ARID1B: variants seen among roughly 807,000 people sequenced by gnomAD.
The protein encoded by ARID1B is AT-rich interactive domain-containing protein 1B.
Under a neutral mutation model 212.3 loss-of-function variants are expected in ARID1B, and 30 were observed. The ratio of observed to expected loss-of-function variants is 0.14; its 90% CI spans 0.11 to 0.19. The LOEUF (loss-of-function observed/expected upper bound fraction) is 0.19, where lower values mean the gene tolerates loss of function less well. Among genes scored for constraint, ARID1B ranks in the 10% least tolerant of loss-of-function variants. The pLI is 1.00. For synonymous variants in ARID1B, 1,402 were observed against 1,301.7 expected (o/e 1.08, Z -1.66); for missense variants, 2,891 against 3,204.0 (o/e 0.90, Z 2.36).
In ARID1B at chr6:157,148,202, A is replaced by T. The variant is rs952943344; in HGVS notation, c.2762-422A>T. Among the ~76,000 whole-genome samples, 1 of 152,058 alleles carries T rather than the reference A, an allele frequency of 6.6e-6. No individual in the cohort carries two copies. The highest frequency in any genetic ancestry group is 6.5e-5 in the Admixed American group (1 of 15,268). On this transcript the variant is annotated intron_variant, in intron 7 of 19. Coordinates refer to ENST00000636930, the MANE Select transcript of ARID1B (RefSeq NM_001374828.1). The surrounding 1 kb of genome is among the most constrained non-coding windows in gnomAD (Gnocchi z 5.6). The stretch of plus-strand genomic sequence containing the variant: ...ACGTTGTCTTTTTGAGCCCTTTCAC[A>T]TGACTGTTGAAGGTAGCAGTGATCT...
Position 157,173,975 on chromosome 6 carries a change from T to C in ARID1B, c.3236-33T>C, listed in dbSNP as rs1417904048. On this transcript the variant is annotated intron_variant, in intron 9 of 19. Transcript: ENST00000636930. ...AGTACAGTCTGACGAATCACACATA[T>C]AATCCTAAACTCTTTCTCCTGTTTT... The C allele has an allele frequency of 7.0e-6, 11 of 1,580,136 alleles. No individual in the cohort carries two copies. The African/African-American group carries it at 8.1e-5, about 12-fold the overall frequency.
At chr6:156,983,347 A>T (rs1468222385) in intron 4 of ARID1B, among the ~76,000 whole-genome samples, 1 of 152,182 alleles carries the variant, frequency 6.6e-6, no homozygotes, top group Non-Finnish European at 1.5e-5. Context: ...GTGAGCCGAG[A>T]TTGTACCACT....
chr6:157,123,564 G>A (rs117236388), intron 6 of ARID1B, among the ~76,000 whole-genome samples: 3,310 of 152,310 alleles, frequency 0.022, 38 homozygotes, highest in Non-Finnish European at 0.035. Flanking sequence ...CTCGGAAGGC[G>A]TGCCAGGAGG....
chr6:157,047,630 A>G (rs184151607), intron 4 of ARID1B, among the ~76,000 whole-genome samples: 1 of 152,222 alleles, frequency 6.6e-6, no homozygotes, highest in Admixed American at 6.5e-5. Context: ...TTGTAAAAAG[A>G]CGTTAGGAAT....
At position 156,884,583 on chromosome 6, in the gene ARID1B, C is replaced by T. The variant is rs533239731; in HGVS notation, c.1987-16793C>T. Among the ~76,000 whole-genome samples, 6 of 152,264 alleles carry T rather than the reference C, an allele frequency of 3.9e-5. No homozygotes were observed. The East Asian group carries it at 1.2e-3, about 29-fold the overall frequency. On this transcript the variant is annotated intron_variant, in intron 2 of 19. Transcript: ENST00000636930. ...GATTAGGAGGTGTAAGGATGGAGTGCCCAAACTCCAGCAGTTGGTTTTTCC... is the reference window on the plus strand; with the variant it reads ...GATTAGGAGGTGTAAGGATGGAGTGTCCAAACTCCAGCAGTTGGTTTTTCC...
At chr6:156,921,493 A>G (rs1790795162) in intron 3 of ARID1B, among the ~76,000 whole-genome samples, 1 of 139,388 alleles carries the variant, frequency 7.2e-6, no homozygotes, top group Admixed American at 7.2e-5. Context: ...ACACACACAC[A>G]AAATGTAAGG....
In ARID1B at chr6:156,779,372, C is replaced by G. The variant is rs2115003922; in HGVS notation, c.1692C>G (p.Ala564=). The G allele has an allele frequency of 1.5e-6, 2 of 1,359,802 alleles. No individual in the cohort carries two copies. Among genetic ancestry groups the G allele is most frequent in the South Asian group, 1.5e-5 (1 of 66,210 alleles). The allele number at this position is 1,359,802 out of a possible 1,614,324, so 84.2% of individuals were successfully genotyped here. A position where few individuals can be genotyped will look rare whatever the true frequency, so the allele number is the denominator to read the frequency against. Residue 564 remains alanine (A), a synonymous_variant, in exon 1 of 20, where the codon GCC becomes GCG. Coordinates refer to ENST00000636930, the MANE Select transcript of ARID1B (RefSeq NM_001374828.1). ...TGGGCTTGGGCAAGGACATGGGCGC[C>G]CAGTACGCCGCTGCCAGCCCGGCCT... is the stretch of plus-strand genomic sequence containing the variant. ...AGMGLGKDMG[A]QYAAASPAWA...
At chr6:156,850,654 T>C (rs1784525707) in intron 2 of ARID1B, among the ~76,000 whole-genome samples, 1 of 152,232 alleles carries the variant, frequency 6.6e-6, no homozygotes, top group African/African-American at 2.4e-5. Flanking sequence ...TTTTTTTCTT[T>C]CTGAAAATAT....
chr6:156,946,203 GA>G (rs58722867), intron 4 of ARID1B, among the ~76,000 whole-genome samples: 31,201 of 127,922 alleles, frequency 0.24, 3,467 homozygotes, highest in East Asian at 0.39. Flanking sequence ...CTAAAAATAC[GA>G]AAAAAAAAAA....
At chr6:156,868,851 T>C (rs1339348394) in intron 2 of ARID1B, among the ~76,000 whole-genome samples, 3 of 152,236 alleles carry the variant, frequency 2.0e-5, no homozygotes, top group African/African-American at 4.8e-5. Flanking sequence ...GAGACAATTT[T>C]TGTCAATTTT....
intron 4 of ARID1B, among the ~76,000 whole-genome samples, chr6:157,037,535 A>G (rs1325482769): frequency 6.6e-6 from 1 of 152,160 alleles, no homozygotes; most frequent in Non-Finnish European, 1.5e-5. Context: ...AATGAGAGCT[A>G]TTTTCGGGTA....
At chr6:157,008,790 C>T (rs1779393495) in intron 4 of ARID1B, among the ~76,000 whole-genome samples, 1 of 152,010 alleles carries the variant, frequency 6.6e-6, no homozygotes, top group African/African-American at 2.4e-5. Context: ...AGCATGGGTC[C>T]TTCACTGGTC....
intron 4 of ARID1B, among the ~76,000 whole-genome samples, chr6:156,958,579 C>A (rs1239613095): frequency 6.6e-6 from 1 of 152,210 alleles, no homozygotes; most frequent in East Asian, 1.9e-4. Flanking sequence ...TCAGCAAATA[C>A]ATTTTGTTGC....
At chr6:157,096,341 A>G (rs974185551) in intron 5 of ARID1B, among the ~76,000 whole-genome samples, 1 of 152,214 alleles carries the variant, frequency 6.6e-6, no homozygotes, top group Non-Finnish European at 1.5e-5. Context: ...AAAAATGGGA[A>G]TTCAAAAGGA....
chr6:157,018,456 C>T (rs1583155558), intron 4 of ARID1B, among the ~76,000 whole-genome samples: 1 of 152,094 alleles, frequency 6.6e-6, no homozygotes, highest in East Asian at 1.9e-4. Context: ...CCTCATGATC[C>T]TTCCGCCTTG....
chr6:156,869,375 T>C (rs1203229114), intron 2 of ARID1B, among the ~76,000 whole-genome samples: 2 of 152,240 alleles, frequency 1.3e-5, no homozygotes, highest in East Asian at 1.9e-4. Flanking sequence ...GAATGGTTTT[T>C]TGAATTTGAA....
At chr6:157,014,811 C>T (rs1779813526) in intron 4 of ARID1B, among the ~76,000 whole-genome samples, 1 of 151,232 alleles carries the variant, frequency 6.6e-6, no homozygotes, top group African/African-American at 2.4e-5. Flanking sequence ...TAAACTAAAG[C>T]ATGATGAGTA....
At position 156,925,133 on chromosome 6, in the gene ARID1B, C is replaced by T. The variant is rs138732322; in HGVS notation, c.2137-10333C>T. Among the ~76,000 whole-genome samples the T allele has an allele frequency of 5.3e-5, 8 of 152,312 alleles. 1 individual carries two copies. In the East Asian group the frequency reaches 1.3e-3, roughly 26 times the overall value. Reference sequence around the variant, plus strand: ...TTCTTAAGCTTAGGGGAGATGGCTGCTCTTGGTATTGCTCTGTTCTTTTCT... The same window carrying T: ...TTCTTAAGCTTAGGGGAGATGGCTGTTCTTGGTATTGCTCTGTTCTTTTCT... On this transcript the variant is annotated intron_variant, in intron 3 of 19. Transcript: ENST00000636930.
chr6:156,858,889 T>G (rs1385056896), intron 2 of ARID1B, among the ~76,000 whole-genome samples: 1 of 152,182 alleles, frequency 6.6e-6, no homozygotes, highest in Non-Finnish European at 1.5e-5. Flanking sequence ...TGTAGGGCAC[T>G]TAACTGTGCA....
Sources: allele counts gnomAD v4.1 joint callset (sites outside exome capture counted in the v4.1 genomes callset), GRCh38; gene constraint gnomAD v4.1.1; non-coding constraint Gnocchi (gnomAD v3.1); transcripts MANE v1.5; gene names NCBI Gene and HGNC (gene_info 2026-07-23, HGNC 2026-07-21).